The following RSF1 variants were observed in gnomAD, a reference collection of about 807,000 sequenced individuals.
The protein encoded by RSF1 is HBV pX-associated protein 8.
A neutral mutation model predicts 145.2 loss-of-function variants in RSF1; 13 were observed. The observed-to-expected ratio is 0.09, with a 90% CI of 0.06 to 0.14. The LOEUF (loss-of-function observed/expected upper bound fraction) is 0.14, where lower values mean the gene tolerates loss of function less well. Ranked by LOEUF, RSF1 falls within the 10% of genes least tolerant of loss-of-function variation. The probability of loss-of-function intolerance (pLI) is 1.00; values close to 1 mark genes in which losing one functional copy is unlikely to be tolerated. For synonymous variants in RSF1, 577 were observed against 592.6 expected, an observed-to-expected ratio of 0.97 and a Z score of 0.38; for missense variants, 1,517 against 1,718.2, an observed-to-expected ratio of 0.88 and a Z score of 2.07.
At chr11:77,680,487 C>CA (rs1396420022) in intron 11 of RSF1, among the ~76,000 whole-genome samples, 1 of 151,704 alleles carries the variant, frequency 6.6e-6, no homozygotes, top group Non-Finnish European at 1.5e-5. Flanking sequence ...TGGCTGTATA[C>CA]ACCCATAGTC....
At chr11:77,855,943 C>A in the RSF1 span, among the ~76,000 whole-genome samples, 1 of 151,956 alleles carries the variant, frequency 6.6e-6, no homozygotes, top group African/African-American at 2.4e-5. Context: ...CATGGCAAAA[C>A]CCTGGCTCTA....
At chr11:77,682,928 A>G (rs143596797) in intron 11 of RSF1, among the ~76,000 whole-genome samples, 119 of 152,296 alleles carry the variant, frequency 7.8e-4, no homozygotes, top group Middle Eastern at 6.8e-3. Flanking sequence ...TGTAAGGGAG[A>G]ATGTGATAAG....
At chr11:77,706,429 T>A (rs1361440448) in intron 5 of RSF1, among the ~76,000 whole-genome samples, 1 of 151,318 alleles carries the variant, frequency 6.6e-6, no homozygotes, top group African/African-American at 2.4e-5. Flanking sequence ...GCTGTGAGGA[T>A]TTTTTTTTCT....
At chr11:77,813,700 G>T in intron 1 of RSF1, 1 of 458,730 alleles carries the variant, frequency 2.2e-6, no homozygotes, top group South Asian at 1.9e-5. Context: ...CTTCCTGACC[G>T]ACTTGTTCCT....
intron 1 of RSF1, among the ~76,000 whole-genome samples, chr11:77,775,114 C>T (rs1167141843): frequency 1.3e-5 from 2 of 151,146 alleles, no homozygotes; most frequent in Non-Finnish European, 3.0e-5. Flanking sequence ...TGGGCATGGT[C>T]GTGGGCACCT....
chr11:77,724,824 G>T (rs1446153948), intron 5 of RSF1, among the ~76,000 whole-genome samples: 1 of 152,168 alleles, frequency 6.6e-6, no homozygotes, highest in Non-Finnish European at 1.5e-5. Context: ...GGGCGGTAAT[G>T]CTCACTGGAG....
chr11:77,671,169 ATATATATATT>A (rs1959534774), intron 15 of RSF1, among the ~76,000 whole-genome samples: 3 of 99,078 alleles, frequency 3.0e-5, no homozygotes, highest in Non-Finnish European at 5.7e-5. Flanking sequence ...ATATATATAT[ATATATATATT>A]TATATGTATA....
chr11:77,680,207 A>G (rs967053572), intron 11 of RSF1, among the ~76,000 whole-genome samples: 7 of 152,136 alleles, frequency 4.6e-5, no homozygotes, highest in Admixed American at 6.5e-5. Flanking sequence ...CTGAGGCAGG[A>G]GTATAACTTG....
intron 13 of RSF1, 130 bp downstream of exon 13, chr11:77,676,662 G>C (rs1959709334): frequency 1.5e-6 from 1 of 670,386 alleles, no homozygotes; most frequent in African/African-American, 1.8e-5. Context: ...TAAATATCCT[G>C]AAAATAAACA....
chr11:77,814,027 C>T (rs1204302657), intron 1 of RSF1, among the ~76,000 whole-genome samples: 2 of 151,742 alleles, frequency 1.3e-5, no homozygotes, highest in Admixed American at 6.6e-5. Context: ...ATGGCAAAAC[C>T]TGTCCCTACT....
Position 77,784,201 on chromosome 11 carries a change from C to A in RSF1, c.188-19512G>T, listed in dbSNP as rs576941362. Among the ~76,000 whole-genome samples, 17 of 152,294 alleles carry A rather than the reference C, an allele frequency of 1.1e-4. 1 individual carries two copies. The South Asian group carries it at 3.5e-3, about 32-fold the overall frequency. ...CACTTGATTATTTTCAGTTCTCTTT[C>A]TCACTGCTTCATTTTAGGATAAAGT... On this transcript the variant is annotated intron_variant, in intron 1 of 15. Coordinates refer to ENST00000308488, the MANE Select transcript of RSF1 (RefSeq NM_016578.4).
At chr11:77,837,494 A>G in the RSF1 span, among the ~76,000 whole-genome samples, 1 of 151,782 alleles carries the variant, frequency 6.6e-6, no homozygotes, top group Non-Finnish European at 1.5e-5. Context: ...TCGCTCTGTC[A>G]CCCAGGCTGG....
the RSF1 span, among the ~76,000 whole-genome samples, chr11:77,864,364 C>T: frequency 5.3e-5 from 8 of 151,516 alleles, no homozygotes; most frequent in South Asian, 2.1e-4. Context: ...CGCTTGAACC[C>T]GGGAGTCGGA....
upstream of RSF1, among the ~76,000 whole-genome samples, chr11:77,823,336 T>C (rs894602756): frequency 6.6e-6 from 1 of 151,402 alleles, no homozygotes; most frequent in Admixed American, 6.6e-5. Context: ...TTTTAAGCAA[T>C]TACTGAAATG....
chr11:77,671,125 AAAAAAAAAAAAAAATATATATATAT>A (rs1959518059), intron 15 of RSF1, among the ~76,000 whole-genome samples: 1 of 45,474 alleles, frequency 2.2e-5, no homozygotes, highest in African/African-American at 1.2e-4. Flanking sequence ...AAAAAAAAAA[AAAAAAAAAAAAAAATATATATATAT>A]ATATATATAT....
chr11:77,694,081 C>A (rs1960225102), intron 7 of RSF1, among the ~76,000 whole-genome samples: 1 of 151,982 alleles, frequency 6.6e-6, no homozygotes, highest in Non-Finnish European at 1.5e-5. Flanking sequence ...CCGCGCCCAG[C>A]CCATGCTAAT....
the RSF1 span, among the ~76,000 whole-genome samples, chr11:77,834,031 T>C: frequency 4.6e-5 from 7 of 152,240 alleles, no homozygotes; most frequent in Non-Finnish European, 1.0e-4. Context: ...GTTACCACCA[T>C]ATATTAAGTA....
At chr11:77,802,163 T>A (rs1170243927) in intron 1 of RSF1, among the ~76,000 whole-genome samples, 1 of 152,136 alleles carries the variant, frequency 6.6e-6, no homozygotes, top group Non-Finnish European at 1.5e-5. Flanking sequence ...ATAACCTCCA[T>A]AATAAAGCTG....
At chr11:77,708,399 C>T (rs952194272) in intron 5 of RSF1, among the ~76,000 whole-genome samples, 1 of 152,254 alleles carries the variant, frequency 6.6e-6, no homozygotes, top group East Asian at 1.9e-4. Context: ...CAGTGCACTC[C>T]AGTCTGGACA....
Sources: gnomAD v4.1 joint callset for allele counts (sites outside exome capture counted in the v4.1 genomes callset) on GRCh38, gnomAD v4.1.1 for gene constraint, MANE v1.5 for transcripts, NCBI Gene and HGNC (gene_info 2026-07-23, HGNC 2026-07-21) for gene names.